EHMT1: variants seen among roughly 807,000 people sequenced by gnomAD.
EHMT1 encodes the protein histone-lysine N-methyltransferase EHMT1.
Under a neutral mutation model 147.2 loss-of-function variants are expected in EHMT1, and 15 were observed. The observed-to-expected ratio is 0.10, with a 90% CI of 0.07 to 0.16. The LOEUF (loss-of-function observed/expected upper bound fraction) is 0.16, where lower values mean the gene tolerates loss of function less well. Among genes scored for constraint, EHMT1 ranks in the 10% least tolerant of loss-of-function variants. The probability of loss-of-function intolerance (pLI) is 1.00; values close to 1 mark genes in which losing one functional copy is unlikely to be tolerated. For synonymous variants in EHMT1, 795 were observed against 709.6 expected, an observed-to-expected ratio of 1.12 and a Z score of -1.91; for missense variants, 1,587 against 1,772.4, an observed-to-expected ratio of 0.90 and a Z score of 1.88.
chr9:137,669,452 CTCACCTCCACCCAA>C (rs1940221354), intron 1 of EHMT1, among the ~76,000 whole-genome samples: 1 of 140,480 alleles, frequency 7.1e-6, no homozygotes, highest in Admixed American at 7.1e-5. Flanking sequence ...AGCACGTGCA[CTCACCTCCACCCAA>C]GACGCCCCCC....
At chr9:137,692,410 G>A (rs548429835) in intron 1 of EHMT1, among the ~76,000 whole-genome samples, 6 of 151,768 alleles carry the variant, frequency 4.0e-5, no homozygotes, top group South Asian at 4.2e-4. Context: ...GATTGCAGGC[G>A]TGCACCACCG....
At chr9:137,670,605 CCT>C (rs1940474261) in intron 1 of EHMT1, among the ~76,000 whole-genome samples, 1 of 152,212 alleles carries the variant, frequency 6.6e-6, no homozygotes, top group Non-Finnish European at 1.5e-5. Context: ...CCCATCTGCG[CCT>C]CTCTCTTCTG....
intron 16 of EHMT1, among the ~76,000 whole-genome samples, chr9:137,791,224 C>T (rs980430521): frequency 1.3e-5 from 2 of 152,004 alleles, no homozygotes; most frequent in African/African-American, 2.4e-5. Context: ...AGAAGGTGTT[C>T]GCCTTACAGT....
At chr9:137,698,180 G>A (rs2135095657) in intron 1 of EHMT1, among the ~76,000 whole-genome samples, 1 of 152,268 alleles carries the variant, frequency 6.6e-6, no homozygotes, top group East Asian at 1.9e-4. Context: ...ATTATTACTG[G>A]TTTGTTGACA....
intron 19 of EHMT1, among the ~76,000 whole-genome samples, chr9:137,812,454 A>G (rs1396149158): frequency 6.6e-6 from 1 of 152,238 alleles, no homozygotes; most frequent in Non-Finnish European, 1.5e-5. Flanking sequence ...GGGGAAGGAC[A>G]GGGAACTGTG....
chr9:137,629,682 C>T (rs1172698669), intron 1 of EHMT1, among the ~76,000 whole-genome samples: 3 of 152,112 alleles, frequency 2.0e-5, no homozygotes, highest in South Asian at 4.1e-4. Flanking sequence ...CATGAGCCAT[C>T]GCACCTGGTC....
At chr9:137,658,113 T>G (rs1938672423) in intron 1 of EHMT1, among the ~76,000 whole-genome samples, 1 of 152,178 alleles carries the variant, frequency 6.6e-6, no homozygotes, top group Non-Finnish European at 1.5e-5. Flanking sequence ...TTCTGCTTCT[T>G]TCGTTCTCCT....
chr9:137,794,585 T>C (rs528439247), intron 16 of EHMT1, among the ~76,000 whole-genome samples: 1 of 148,278 alleles, frequency 6.7e-6, no homozygotes, highest in East Asian at 2.0e-4. Context: ...AGTTTGAGGC[T>C]ACAGTGAGCT....
At chr9:137,715,649 T>A in intron 2 of EHMT1, 1 of 985,428 alleles carries the variant, frequency 1.0e-6, no homozygotes, top group South Asian at 4.7e-5. Flanking sequence ...TGTGTGTCAA[T>A]CTCGTGATGT....
At position 137,833,775 on chromosome 9, in the gene EHMT1, A is replaced by G. The variant is rs540830778; in HGVS notation, c.3541-574A>G. ...CGGCCTCGTGTTCCACAGTCACATC[A>G]GCACCCGGAAGGGCTGCAGCAGAAG... On this transcript the variant is annotated intron_variant, in intron 25 of 26. Transcript: ENST00000460843. Among the ~76,000 whole-genome samples, 10 of 152,312 alleles carry G rather than the reference A, an allele frequency of 6.6e-5. 1 individual carries two copies. Among genetic ancestry groups the G allele is most frequent in the African/African-American group, 2.2e-4 (9 of 41,574 alleles).
At chr9:137,752,242 T>A in intron 6 of EHMT1, 89 bp from the exon 7 acceptor site, 1 of 1,480,348 alleles carries the variant, frequency 6.8e-7, no homozygotes, top group African/African-American at 1.4e-5. Flanking sequence ...CGTTTCGAGG[T>A]TTGCTTTGGA....
intron 23 of EHMT1, 126 bp downstream of exon 23, chr9:137,816,188 A>C: frequency 1.2e-6 from 1 of 850,496 alleles, no homozygotes; most frequent in East Asian, 2.7e-5. Context: ...TTGCAGATAG[A>C]GCCGACAAGT....
At chr9:137,792,925 C>G (rs1471435906) in intron 16 of EHMT1, among the ~76,000 whole-genome samples, 1 of 152,160 alleles carries the variant, frequency 6.6e-6, no homozygotes, top group Admixed American at 6.5e-5. Context: ...ACAGCCACCC[C>G]CTTGCCTGTC....
At chr9:137,807,513 A>G (rs62590778) in intron 18 of EHMT1, among the ~76,000 whole-genome samples, 13,723 of 112,892 alleles carry the variant, frequency 0.12, 1,940 homozygotes, top group African/African-American at 0.33. Context: ...TTATTTATTT[A>G]TTTGTTTATT....
intron 1 of EHMT1, among the ~76,000 whole-genome samples, chr9:137,675,779 A>ATT (rs781380107): frequency 2.2e-4 from 21 of 95,740 alleles, no homozygotes; most frequent in African/African-American, 5.6e-4. Context: ...CGCCCGGCTA[A>ATT]TTTTTTTTTT....
At chr9:137,633,355 A>G (rs1843749908) in intron 1 of EHMT1, among the ~76,000 whole-genome samples, 1 of 152,078 alleles carries the variant, frequency 6.6e-6, no homozygotes, top group Non-Finnish European at 1.5e-5. Flanking sequence ...ACTGATTAGA[A>G]GAACAGAATT....
chr9:137,705,121 C>G (rs1048915635), intron 1 of EHMT1, among the ~76,000 whole-genome samples: 4 of 152,024 alleles, frequency 2.6e-5, no homozygotes, highest in African/African-American at 9.7e-5. Flanking sequence ...TCCCAAGTAG[C>G]TGGGACTACA....
chr9:137,630,461 C>A (rs570292261), intron 1 of EHMT1, among the ~76,000 whole-genome samples: 31 of 152,130 alleles, frequency 2.0e-4, no homozygotes, highest in East Asian at 1.2e-3. Context: ...TAGTCTAGGT[C>A]TTAAAGGATG....
chr9:137,672,590 ATTG>A (rs963428241), intron 1 of EHMT1, among the ~76,000 whole-genome samples: 11 of 152,208 alleles, frequency 7.2e-5, no homozygotes, highest in East Asian at 1.9e-4. Context: ...AAGTTTGGGA[ATTG>A]TTGTTTTACC....
Sources: allele counts gnomAD v4.1 joint callset (sites outside exome capture counted in the v4.1 genomes callset), GRCh38; gene constraint gnomAD v4.1.1; transcripts MANE v1.5; gene names NCBI Gene and HGNC (gene_info 2026-07-23, HGNC 2026-07-21).